MRE11: variants seen among roughly 807,000 people sequenced by gnomAD.
MRE11 encodes MRE11 double strand break repair nuclease, also known as double-strand break repair protein MRE11.
In MRE11, 62 loss-of-function variants were observed where a neutral mutation model predicts 91.7. That is an observed-to-expected ratio of 0.68 (90% CI 0.55 to 0.84). The LOEUF is 0.84. Among genes scored for constraint, MRE11 ranks in the 40% least tolerant of loss-of-function variants. MRE11 has a pLI of 0.00. For missense variants in MRE11, 796 were observed against 852.9 expected (o/e 0.93, Z 0.83); for synonymous variants, 273 against 271.4 (o/e 1.01, Z -0.06).
chr11:94,512,369 C>T, the MRE11 span: 2 of 619,224 alleles, frequency 3.2e-6, no homozygotes, highest in African/African-American at 3.8e-5. Context: ...AACTTCAGCA[C>T]CTTCTTTGGT....
intron 7 of MRE11, among the ~76,000 whole-genome samples, 172 bp from the exon 8 acceptor site, chr11:94,471,931 C>A (rs1398570702): frequency 1.3e-5 from 2 of 152,098 alleles, no homozygotes; most frequent in African/African-American, 4.8e-5. Context: ...TAACTCCTGA[C>A]CTTGAGAGCT....
At chr11:94,438,647 G>A (rs1021243686) in intron 16 of MRE11, among the ~76,000 whole-genome samples, 5 of 152,200 alleles carry the variant, frequency 3.3e-5, no homozygotes, top group Non-Finnish European at 5.9e-5. Context: ...AAAGATGAGT[G>A]ATGTTGTGAA....
rs753536984 is a variant in MRE11 at position 94,464,208 on chromosome 11, C to G, written c.1130G>C (p.Ser377Thr). Residue 377 changes from serine (S) to threonine (T), a missense_variant, in exon 11 of 20, where the codon AGT becomes ACT. Transcript: ENST00000323929. Reference protein sequence around the residue: ...VDYSGGFEPFSVLRFSQKFVD... With the variant: ...VDYSGGFEPFTVLRFSQKFVD... The stretch of plus-strand genomic sequence containing the variant: ...AAATTTCTGGCTAAAGCGAAGAACA[C>G]TGAAAGGTTCAAAACCTCCACTATA... The G allele has an allele frequency of 1.2e-6, 2 of 1,613,834 alleles. No homozygotes were observed. Among genetic ancestry groups the G allele is most frequent in the African/African-American group, 2.7e-5 (2 of 74,906 alleles).
chr11:94,508,506 C>T, the MRE11 span, among the ~76,000 whole-genome samples: 3 of 152,110 alleles, frequency 2.0e-5, no homozygotes, highest in Non-Finnish European at 4.4e-5. Flanking sequence ...ATCAATGCCA[C>T]TTATTAAAAG....
Position 94,465,499 on chromosome 11 carries a change from G to T in MRE11, c.1099-1260C>A, listed in dbSNP as rs1443778357. 2.7e-5 allele frequency among the ~76,000 whole-genome samples: 4 copies of T among 150,758 alleles called. No homozygotes were observed. In the South Asian group the frequency reaches 8.4e-4, roughly 32 times the overall value. On this transcript the variant is annotated intron_variant, in intron 10 of 19. Coordinates refer to ENST00000323929, the MANE Select transcript of MRE11 (RefSeq NM_005591.4). ...CAACCTCTGCCTCCCGGGTTCAAGC[G>T]ATTCTCACGCTTCAGCCTCCCAAGT... is the stretch of plus-strand genomic sequence containing the variant.
At chr11:94,451,307 A>G (rs1277686709) in intron 14 of MRE11, among the ~76,000 whole-genome samples, 1 of 152,164 alleles carries the variant, frequency 6.6e-6, no homozygotes, top group Non-Finnish European at 1.5e-5. Flanking sequence ...CAGGTTCAAC[A>G]AACCAATTAT....
At chr11:94,495,786 C>T (rs1448138609), upstream of MRE11, among the ~76,000 whole-genome samples, 2 of 152,116 alleles carry the variant, frequency 1.3e-5, no homozygotes, top group Non-Finnish European at 2.9e-5. Flanking sequence ...TAGACAAGGT[C>T]TTGTAGTAGT....
At chr11:94,453,755 CTCATTCTGT>C (rs1038462923) in intron 14 of MRE11, among the ~76,000 whole-genome samples, 181 of 152,160 alleles carry the variant, frequency 1.2e-3, no homozygotes, top group African/African-American at 4.0e-3. Context: ...AATATTTTCT[CTCATTCTGT>C]GGGTCACTTC....
the MRE11 span, among the ~76,000 whole-genome samples, chr11:94,507,334 A>G: frequency 6.6e-6 from 1 of 152,190 alleles, no homozygotes; most frequent in Non-Finnish European, 1.5e-5. Context: ...ATTCCGTTAT[A>G]TGAATATGTA....
rs1260977926 is a variant in MRE11 at position 94,420,188 on chromosome 11, T to G, written c.2071-7A>C. 1 of 1,585,560 alleles carries G rather than the reference T, an allele frequency of 6.3e-7. No individual in the cohort carries two copies. The highest frequency in any genetic ancestry group is 2.2e-5 in the East Asian group (1 of 44,536). On this transcript the variant is annotated splice_polypyrimidine_tract_variant and splice_region_variant and intron_variant, in intron 19 of 19. Coordinates refer to ENST00000323929, the MANE Select transcript of MRE11 (RefSeq NM_005591.4). Reference sequence around the variant, plus strand: ...AAGGATCATCATCATCATCCTGAAATGAGATACAAATGTTGTATTAGTGAT... The same window carrying G: ...AAGGATCATCATCATCATCCTGAAAGGAGATACAAATGTTGTATTAGTGAT...
In MRE11 at chr11:94,451,174, C is replaced by T. The variant is rs550543963; in HGVS notation, c.1564-3736G>A. Among the ~76,000 whole-genome samples, 2 of 151,660 alleles carry T rather than the reference C, an allele frequency of 1.3e-5. 1 individual carries two copies. Among genetic ancestry groups the T allele is most frequent in the African/African-American group, 4.8e-5 (2 of 41,370 alleles). Reference sequence around the variant, plus strand: ...AGTGGTAGCACACTACAGAGCAAGACCCTGTCTCGAAAAAAAGAAAGAAGG... The same window carrying T: ...AGTGGTAGCACACTACAGAGCAAGATCCTGTCTCGAAAAAAAGAAAGAAGG... On this transcript the variant is annotated intron_variant, in intron 14 of 19. Transcript: ENST00000323929.
chr11:94,467,959 C>A (rs1946611295), intron 9 of MRE11, 66 bp from the exon 10 acceptor site: 1 of 1,233,850 alleles, frequency 8.1e-7, no homozygotes, highest in Admixed American at 1.7e-5. Context: ...TGAATAGCAG[C>A]TTATTACCAC....
At chr11:94,498,967 T>C in the MRE11 span, 1 of 162,586 alleles carries the variant, frequency 6.2e-6, no homozygotes, top group East Asian at 1.8e-4. Context: ...TTCAGCTGTC[T>C]TCTCTACCTT....
At chr11:94,492,076 G>A (rs552885155) in intron 2 of MRE11, among the ~76,000 whole-genome samples, 1 of 152,208 alleles carries the variant, frequency 6.6e-6, no homozygotes, top group South Asian at 2.1e-4. Flanking sequence ...CACACAGCTA[G>A]TAGGGTCCAA....
chr11:94,450,481 C>G (rs1286300880), intron 14 of MRE11, among the ~76,000 whole-genome samples: 1 of 152,070 alleles, frequency 6.6e-6, no homozygotes, highest in Non-Finnish European at 1.5e-5. Flanking sequence ...AACTTTTTAG[C>G]TGATACATAA....
intron 16 of MRE11, among the ~76,000 whole-genome samples, chr11:94,437,473 A>G (rs1486791660): frequency 1.3e-5 from 2 of 152,224 alleles, no homozygotes; most frequent in South Asian, 2.1e-4. Context: ...TGTAGTGTTT[A>G]TAAATACACA....
upstream of MRE11, chr11:94,497,222 A>G: frequency 1.9e-6 from 1 of 533,642 alleles, no homozygotes; most frequent in Non-Finnish European, 3.3e-6. Flanking sequence ...TAGGAAAGAG[A>G]GGATGGAAAC....
intron 19 of MRE11, among the ~76,000 whole-genome samples, chr11:94,428,724 G>A (rs539616451): frequency 1.4e-4 from 22 of 152,114 alleles, no homozygotes; most frequent in South Asian, 2.1e-4. Flanking sequence ...TTAGCTAGGC[G>A]TGGTGATGCG....
At chr11:94,492,953 C>A in intron 1 of MRE11, 47 bp from the exon 2 acceptor site, 2 of 703,568 alleles carry the variant, frequency 2.8e-6, no homozygotes, top group Non-Finnish European at 4.9e-6. Context: ...AAAGCCTGCA[C>A]GTATTTAACC....
Sources: allele counts gnomAD v4.1 joint callset (sites outside exome capture counted in the v4.1 genomes callset), GRCh38; gene constraint gnomAD v4.1.1; transcripts MANE v1.5; gene names NCBI Gene and HGNC (gene_info 2026-07-23, HGNC 2026-07-21).